The following DPH6 variants were observed in gnomAD, a reference collection of about 807,000 sequenced individuals.
DPH6 encodes diphthine--ammonia ligase.
In DPH6, 33 loss-of-function variants were observed where a neutral mutation model predicts 38.2. That is an observed-to-expected ratio of 0.86 (90% CI 0.65 to 1.15). DPH6 has a LOEUF of 1.15. DPH6 is among the 50% of genes most tolerant of loss of function. The pLI, the probability that DPH6 is intolerant of heterozygous loss-of-function variation, is 0.00. For missense variants in DPH6, 325 were observed against 320.0 expected, an observed-to-expected ratio of 1.02 and a Z score of -0.12; for synonymous variants, 108 against 103.0, an observed-to-expected ratio of 1.05 and a Z score of -0.30.
the DPH6 span, among the ~76,000 whole-genome samples, chr15:35,175,394 TTC>T: frequency 6.6e-6 from 1 of 152,220 alleles, no homozygotes; most frequent in Non-Finnish European, 1.5e-5. Flanking sequence ...GCAACAGCTC[TTC>T]TCTGTGACCC....
chr15:35,192,471 C>T, the DPH6 span, among the ~76,000 whole-genome samples: 7 of 152,250 alleles, frequency 4.6e-5, no homozygotes, highest in African/African-American at 1.7e-4. Flanking sequence ...ATTTTTCCCC[C>T]ATTTAAAGTT....
intron 3 of DPH6, among the ~76,000 whole-genome samples, chr15:35,465,696 A>G (rs1006321702): frequency 1.3e-5 from 2 of 152,202 alleles, no homozygotes; most frequent in Non-Finnish European, 1.5e-5. Context: ...AATTTCTAAA[A>G]TGGAAAATGA....
intron 3 of DPH6, among the ~76,000 whole-genome samples, chr15:35,267,720 T>G (rs557257672): frequency 1.1e-4 from 16 of 152,292 alleles, no homozygotes; most frequent in African/African-American, 3.6e-4. Context: ...TCCCTTTTTG[T>G]GTATTTATCT....
chr15:35,169,699 T>C, the DPH6 span: 1 of 152,154 alleles, frequency 6.6e-6, no homozygotes, highest in Non-Finnish European at 1.5e-5. Flanking sequence ...CCTCTCTTTG[T>C]TGCAATGTAA....
At chr15:35,384,254 A>G (rs1257063337) in intron 6 of DPH6, among the ~76,000 whole-genome samples, 1 of 151,434 alleles carries the variant, frequency 6.6e-6, no homozygotes, top group Admixed American at 6.6e-5. Context: ...TCATTAACAG[A>G]TTTTTGAAAA....
intron 5 of DPH6, among the ~76,000 whole-genome samples, chr15:35,433,602 T>C (rs890308698): frequency 2.0e-5 from 3 of 152,188 alleles, no homozygotes; most frequent in Non-Finnish European, 4.4e-5. Flanking sequence ...AAAACAGCCA[T>C]AGACAATAAT....
chr15:35,509,686 AAAT>A (rs1457384584), intron 3 of DPH6, among the ~76,000 whole-genome samples: 2 of 152,234 alleles, frequency 1.3e-5, no homozygotes, highest in Admixed American at 1.3e-4. Context: ...CCTAGATTTA[AAAT>A]AATGTTTGAA....
At position 35,229,927 on chromosome 15, in the gene DPH6, G is replaced by C. The variant is rs1306487388; in HGVS notation, n.201-9345C>G. On this transcript the variant is annotated intron_variant and non_coding_transcript_variant, in intron 3 of 3. Transcript: ENST00000560386. Reference sequence around the variant, plus strand: ...TCTCTGTTTTGAGCCACCTGGAGCTGGGGATGGAGTGACACAGGAATCCTT... The same window carrying C: ...TCTCTGTTTTGAGCCACCTGGAGCTCGGGATGGAGTGACACAGGAATCCTT... Among the ~76,000 whole-genome samples the C allele has an allele frequency of 2.9e-3, 436 of 152,302 alleles. 1 individual carries two copies. The highest frequency in any genetic ancestry group is 1.0e-2 in the African/African-American group (415 of 41,572).
the DPH6 span, among the ~76,000 whole-genome samples, chr15:35,209,529 T>C: frequency 4.6e-5 from 7 of 152,284 alleles, no homozygotes; most frequent in East Asian, 1.2e-3. Context: ...TAAATGTTCT[T>C]GGAGAAATAA....
intron 5 of DPH6, among the ~76,000 whole-genome samples, chr15:35,423,385 CAA>C (rs2053530240): frequency 6.6e-6 from 1 of 151,488 alleles, no homozygotes; most frequent in African/African-American, 2.4e-5. Flanking sequence ...CTTTTTAAAA[CAA>C]AGTTATTTGT....
At chr15:35,351,720 CTTT>C (rs758678929) in intron 3 of DPH6, among the ~76,000 whole-genome samples, 8 of 136,416 alleles carry the variant, frequency 5.9e-5, no homozygotes, top group Admixed American at 7.3e-5. Context: ...TGTCAGACTT[CTTT>C]TTTTTTTTTT....
chr15:35,359,640 A>T (rs1200692691), intron 3 of DPH6, among the ~76,000 whole-genome samples: 1 of 152,096 alleles, frequency 6.6e-6, no homozygotes, highest in Non-Finnish European at 1.5e-5. Context: ...ACAGACCTTC[A>T]GTTTAGCCAG....
intron 3 of DPH6, among the ~76,000 whole-genome samples, chr15:35,502,874 T>C (rs927877286): frequency 9.4e-5 from 14 of 149,002 alleles, no homozygotes; most frequent in Admixed American, 3.4e-4. Context: ...CTATGTATTG[T>C]TTTCTGGCAT....
At chr15:35,490,628 A>C (rs554948244) in intron 3 of DPH6, among the ~76,000 whole-genome samples, 21 of 152,172 alleles carry the variant, frequency 1.4e-4, no homozygotes, top group Non-Finnish European at 3.1e-4. Flanking sequence ...TATTTACTTC[A>C]CTACAATATC....
At chr15:35,296,804 C>CTTTTTTTTTTTTTTTTTTTTTT (rs772132282) in intron 3 of DPH6, among the ~76,000 whole-genome samples, 2 of 127,330 alleles carry the variant, frequency 1.6e-5, no homozygotes, top group African/African-American at 3.5e-5. Flanking sequence ...GGCCTGGCTT[C>CTTTTTTTTTTTTTTTTTTTTTT]TTTTTTTTTT....
At chr15:35,386,766 A>G (rs2052965855) in intron 6 of DPH6, among the ~76,000 whole-genome samples, 1 of 152,100 alleles carries the variant, frequency 6.6e-6, no homozygotes. Flanking sequence ...AGTAGGTTGC[A>G]AAAATTTTCT....
At chr15:35,463,835 G>A (rs915665780) in intron 3 of DPH6, among the ~76,000 whole-genome samples, 53 of 152,192 alleles carry the variant, frequency 3.5e-4, no homozygotes, top group African/African-American at 1.3e-3. Flanking sequence ...CTGGTAAGCT[G>A]TCAGACACAA....
At chr15:35,298,461 C>G in intron 3 of DPH6, 1 of 764,534 alleles carries the variant, frequency 1.3e-6, no homozygotes, top group Non-Finnish European at 2.4e-6. Flanking sequence ...AGATATTTTT[C>G]ACGTTCTTCC....
At chr15:35,335,375 TTATTTTA>T (rs1440307684) in intron 3 of DPH6, among the ~76,000 whole-genome samples, 1 of 151,668 alleles carries the variant, frequency 6.6e-6, no homozygotes, top group Non-Finnish European at 1.5e-5. Flanking sequence ...TTTTTATTTT[TTATTTTA>T]TTTTATTTTT....
Sources: gnomAD v4.1 joint callset for allele counts (sites outside exome capture counted in the v4.1 genomes callset) on GRCh38, gnomAD v4.1.1 for gene constraint, MANE v1.5 for transcripts, NCBI Gene and HGNC (gene_info 2026-07-23, HGNC 2026-07-21) for gene names.